TBC1D4: variants seen among roughly 807,000 people sequenced by gnomAD.
TBC1D4 encodes TBC (Tre-2, BUB2, CDC16) domain-containing protein.
Under a neutral mutation model 142.5 loss-of-function variants are expected in TBC1D4, and 121 were observed. That is an observed-to-expected ratio of 0.85 (90% CI 0.73 to 0.99). The LOEUF is 0.99. Ranked by LOEUF, TBC1D4 falls within the 50% of genes least tolerant of loss-of-function variation. The pLI is 0.00. For missense variants in TBC1D4, 1,475 were observed against 1,606.6 expected (o/e 0.92, Z 1.40); for synonymous variants, 630 against 628.2 (o/e 1.00, Z -0.04).
intron 1 of TBC1D4, among the ~76,000 whole-genome samples, chr13:75,457,314 G>T (rs766788005): frequency 2.6e-5 from 4 of 152,072 alleles, no homozygotes; most frequent in Non-Finnish European, 5.9e-5. Context: ...TGATACTTTT[G>T]CCCAGATCAT....
Position 75,292,239 on chromosome 13 carries a change from A to G in TBC1D4, c.3349T>C (p.Phe1117Leu). 1.9e-6 allele frequency: 3 copies of G among 1,613,132 alleles called. No homozygotes were observed. Among genetic ancestry groups the G allele is most frequent in the South Asian group, 1.1e-5 (1 of 91,002 alleles). The change falls in exon 19 of 21, where the codon TTC becomes CTC. Residue 1117 changes from phenylalanine (F) to leucine (L), a missense_variant. Physicochemically the swap from Phe to Leu is conservative, Grantham distance 22. Transcript: ENST00000377636. Reference protein sequence around the residue: ...IIFLQGTEVIFKVALSLLSSQ... With the variant: ...IIFLQGTEVILKVALSLLSSQ... ...CTCAGTAGGCTGAGTGCAACCTTGA[A>G]TATAACTTCAGTTCCCTGAAGAAAA...
intron 5 of TBC1D4, among the ~76,000 whole-genome samples, chr13:75,344,893 C>T (rs911007294): frequency 2.0e-5 from 3 of 152,158 alleles, no homozygotes; most frequent in Non-Finnish European, 4.4e-5. Flanking sequence ...TCCTCACTAA[C>T]AATACTTTTA....
At chr13:75,426,464 A>C (rs533665007) in intron 1 of TBC1D4, among the ~76,000 whole-genome samples, 1 of 152,344 alleles carries the variant, frequency 6.6e-6, no homozygotes, top group Admixed American at 6.5e-5. Context: ...GGCTATATCA[A>C]AGACTGTGAT....
intron 5 of TBC1D4, 134 bp downstream of exon 5, chr13:75,349,036 G>A (rs1881389103): frequency 2.2e-6 from 3 of 1,357,954 alleles, no homozygotes; most frequent in Non-Finnish European, 3.1e-6. Flanking sequence ...TCACATTTGA[G>A]TGGACATGAG....
intron 1 of TBC1D4, among the ~76,000 whole-genome samples, chr13:75,461,284 T>C (rs949238882): frequency 6.6e-6 from 1 of 152,192 alleles, no homozygotes; most frequent in Non-Finnish European, 1.5e-5. Context: ...ATGAAAGAAA[T>C]GCAAGTAAGG....
At chr13:75,421,536 G>GT (rs1428011903) in intron 1 of TBC1D4, among the ~76,000 whole-genome samples, 2 of 152,094 alleles carry the variant, frequency 1.3e-5, no homozygotes, top group Non-Finnish European at 2.9e-5. Flanking sequence ...AAAATGTTCT[G>GT]TAACAAGAAC....
intron 1 of TBC1D4, among the ~76,000 whole-genome samples, chr13:75,435,859 T>C (rs926859577): frequency 5.9e-5 from 9 of 152,196 alleles, no homozygotes; most frequent in African/African-American, 2.2e-4. Flanking sequence ...TGGCAAACTC[T>C]GGGAAATAAT....
intron 1 of TBC1D4, among the ~76,000 whole-genome samples, chr13:75,441,882 T>G (rs1192593574): frequency 1.3e-5 from 2 of 152,190 alleles, no homozygotes. Context: ...ACATGTCTGT[T>G]TTACCTCTAA....
intron 1 of TBC1D4, among the ~76,000 whole-genome samples, chr13:75,404,893 C>T (rs978226236): frequency 1.3e-5 from 2 of 152,174 alleles, no homozygotes; most frequent in African/African-American, 4.8e-5. Flanking sequence ...GGGATGGTTA[C>T]ACTTGCCCAC....
chr13:75,459,139 T>C (rs1887864120), intron 1 of TBC1D4, among the ~76,000 whole-genome samples: 1 of 152,114 alleles, frequency 6.6e-6, no homozygotes, highest in Non-Finnish European at 1.5e-5. Flanking sequence ...TCCGCTCCAG[T>C]CCTGGCAGGA....
intron 18 of TBC1D4, among the ~76,000 whole-genome samples, chr13:75,293,528 T>C (rs1239619569): frequency 1.3e-5 from 2 of 152,184 alleles, no homozygotes; most frequent in African/African-American, 2.4e-5. Context: ...TACACTATTC[T>C]CTGGGAAGAA....
chr13:75,287,835 T>C (rs1352032771), intron 20 of TBC1D4, among the ~76,000 whole-genome samples: 1 of 151,962 alleles, frequency 6.6e-6, no homozygotes, highest in African/African-American at 2.4e-5. Context: ...AGTTTTAGTG[T>C]TTTCCAGTTT....
At chr13:75,313,673 C>T (rs183721951) in intron 12 of TBC1D4, among the ~76,000 whole-genome samples, 16 of 152,190 alleles carry the variant, frequency 1.1e-4, no homozygotes, top group East Asian at 3.9e-4. Flanking sequence ...AGGTGCACAC[C>T]GCCACACCTG....
At chr13:75,367,216 T>A (rs1886702) in intron 1 of TBC1D4, among the ~76,000 whole-genome samples, 122,754 of 152,136 alleles carry the variant, frequency 0.81, 49,947 homozygotes, top group African/African-American at 0.92. Context: ...TTAATTTTGA[T>A]GACTGTAGTC....
chr13:75,295,166 A>C (rs929842004), intron 17 of TBC1D4, among the ~76,000 whole-genome samples, 153 bp from the exon 18 acceptor site: 2 of 152,236 alleles, frequency 1.3e-5, no homozygotes, highest in African/African-American at 4.8e-5. Flanking sequence ...TGATACTAAA[A>C]TCCAAGTTCA....
Position 75,294,843 on chromosome 13 carries a change from G to T in TBC1D4, c.3316+11C>A, listed in dbSNP as rs758133740. The T allele has an allele frequency of 4.3e-6, 7 of 1,612,832 alleles. 1 individual carries two copies. The Admixed American group carries it at 1.0e-4, about 23-fold the overall frequency. Reference sequence around the variant, plus strand: ...ATAATACTGTTCCATTTAATTACAGGTATCTCTTACCAAAAACTCTGGCTA... The same window carrying T: ...ATAATACTGTTCCATTTAATTACAGTTATCTCTTACCAAAAACTCTGGCTA... On this transcript the variant is annotated intron_variant, in intron 18 of 20. Coordinates refer to ENST00000377636, the MANE Select transcript of TBC1D4 (RefSeq NM_014832.5).
At chr13:75,418,454 A>G (rs558794943) in intron 1 of TBC1D4, among the ~76,000 whole-genome samples, 68 of 152,292 alleles carry the variant, frequency 4.5e-4, no homozygotes, top group South Asian at 1.9e-3. Context: ...CAGCTGAAAA[A>G]GGGGGAAAAG....
chr13:75,355,837 T>C (rs55869596), intron 4 of TBC1D4, among the ~76,000 whole-genome samples: 5,168 of 152,350 alleles, frequency 0.034, 257 homozygotes, highest in African/African-American at 0.11. Flanking sequence ...CTTCCTTATC[T>C]TCTCATATGA....
chr13:75,424,678 G>A (rs1457372951), intron 1 of TBC1D4, among the ~76,000 whole-genome samples: 1 of 152,136 alleles, frequency 6.6e-6, no homozygotes, highest in Non-Finnish European at 1.5e-5. Flanking sequence ...ATAGGCCAGT[G>A]GAATGGAAGA....
Sources: gnomAD v4.1 joint callset for allele counts (sites outside exome capture counted in the v4.1 genomes callset) on GRCh38, gnomAD v4.1.1 for gene constraint, MANE v1.5 for transcripts, NCBI Gene and HGNC (gene_info 2026-07-23, HGNC 2026-07-21) for gene names.